Variants in PKP1 observed in about 807,000 individuals in gnomAD.
PKP1 encodes plakophilin 1.
Under a neutral mutation model 76.4 loss-of-function variants are expected in PKP1, and 27 were observed. The observed-to-expected ratio is 0.35, with a 90% confidence interval of 0.26 to 0.49. The LOEUF (loss-of-function observed/expected upper bound fraction) is 0.49, where lower values mean the gene tolerates loss of function less well. PKP1 is among the 20% of genes least tolerant of loss of function. The pLI, the probability that PKP1 is intolerant of heterozygous loss-of-function variation, is 0.99. For missense variants in PKP1, 964 were observed against 955.2 expected (o/e 1.01, Z -0.12); for synonymous variants, 404 against 384.2 (o/e 1.05, Z -0.60).
rs1656117779 is a variant in PKP1, at chr1:201,297,795, A to G, written c.306+3750A>G. Among the ~76,000 whole-genome samples, 3 of 152,124 alleles carry G rather than the reference A, an allele frequency of 2.0e-5. No individual in the cohort carries two copies. The South Asian group carries it at 6.2e-4, about 32-fold the overall frequency. On this transcript the variant is annotated intron_variant, in intron 2 of 13. Coordinates refer to ENST00000367324, the MANE Select transcript of PKP1 (RefSeq NM_001005337.3). The stretch of plus-strand genomic sequence containing the variant: ...TCCTCCCTTCCCATCCCCTCCAACC[A>G]GGCCTACTCTCACCATGGGGAGTCA...
chr1:201,298,957 A>C (rs1215995426), intron 2 of PKP1, among the ~76,000 whole-genome samples: 2 of 152,176 alleles, frequency 1.3e-5, no homozygotes, highest in Non-Finnish European at 2.9e-5. Context: ...ACACTCCAGC[A>C]GGGGATGGGA....
At chr1:201,306,021 C>T (rs1722765) in intron 2 of PKP1, among the ~76,000 whole-genome samples, 4 of 152,046 alleles carry the variant, frequency 2.6e-5, no homozygotes, top group African/African-American at 9.7e-5. Context: ...CTCCACCACT[C>T]GGGCTGTGAG....
intron 1 of PKP1, among the ~76,000 whole-genome samples, chr1:201,284,118 G>A (rs1655656733): frequency 2.0e-5 from 3 of 152,228 alleles, no homozygotes; most frequent in Admixed American, 1.3e-4. Flanking sequence ...ACGGCCCCGC[G>A]AGCTCGATGG....
intron 11 of PKP1, 105 bp from the exon 12 acceptor site, chr1:201,325,649 C>G (rs1657096506): frequency 1.2e-6 from 1 of 864,638 alleles, no homozygotes; most frequent in African/African-American, 1.7e-5. Flanking sequence ...TCCTCTGAGG[C>G]CTCCCCTGTG....
intron 13 of PKP1, among the ~76,000 whole-genome samples, chr1:201,329,320 T>C (rs1379919441): frequency 6.6e-6 from 1 of 152,216 alleles, no homozygotes; most frequent in African/African-American, 2.4e-5. Flanking sequence ...CAGCTGATGA[T>C]TCTAGGCCCC....
rs144929583 is a variant in PKP1, at chr1:201,292,628, C to T, written c.203-1314C>T. ...CAGCCCTGCTCCCCCAGGCAATGGC[C>T]GGGGAGCCTAAGTGGGTGTGGCAGA... On this transcript the variant is annotated intron_variant, in intron 1 of 13. Transcript: ENST00000367324. 3.2e-3 allele frequency among the ~76,000 whole-genome samples: 485 copies of T among 152,308 alleles called. 4 individuals carry two copies. Among genetic ancestry groups the T allele is most frequent in the African/African-American group, 0.011 (447 of 41,568 alleles).
chr1:201,316,933 A>G (rs1456073586), intron 4 of PKP1, among the ~76,000 whole-genome samples: 1 of 152,198 alleles, frequency 6.6e-6, no homozygotes, highest in Non-Finnish European at 1.5e-5. Flanking sequence ...TGGTCATGGA[A>G]GAGACTTCAA....
At chr1:201,320,465 C>CA (rs1656905655) in intron 7 of PKP1, 84 bp downstream of exon 7, 1 of 844,828 alleles carries the variant, frequency 1.2e-6, no homozygotes, top group Non-Finnish European at 2.0e-6. Context: ...GGCCCAGTGA[C>CA]AAGACAGGAG....
At chr1:201,326,479 C>T (rs1236102747) in intron 12 of PKP1, among the ~76,000 whole-genome samples, 3 of 152,222 alleles carry the variant, frequency 2.0e-5, no homozygotes, top group South Asian at 2.1e-4. Flanking sequence ...CTCTTCTTTC[C>T]CATTCCTCAG....
At chr1:201,291,104 G>A (rs909113712) in intron 1 of PKP1, among the ~76,000 whole-genome samples, 6 of 152,164 alleles carry the variant, frequency 3.9e-5, no homozygotes, top group Admixed American at 2.6e-4. Flanking sequence ...GGCACACTGC[G>A]AGCTGTGATT....
At chr1:201,313,083 G>C in intron 2 of PKP1, 83 bp from the exon 3 acceptor site, 1 of 1,384,292 alleles carries the variant, frequency 7.2e-7, no homozygotes, top group Non-Finnish European at 1.0e-6. Flanking sequence ...TGGGGGCTGG[G>C]GAGGGCTGTA....
intron 11 of PKP1, 36 bp downstream of exon 11, chr1:201,325,163 A>T (rs746670515): frequency 6.3e-7 from 1 of 1,599,002 alleles, no homozygotes; most frequent in Non-Finnish European, 8.6e-7. Flanking sequence ...CTGCACCCCA[A>T]TCAGAGCCCC....
chr1:201,319,360 G>A (rs1199994516), intron 6 of PKP1, among the ~76,000 whole-genome samples: 4 of 152,160 alleles, frequency 2.6e-5, no homozygotes, highest in African/African-American at 7.2e-5. Flanking sequence ...GTGGAGGGGC[G>A]GCTGGTACAG....
chr1:201,320,764 T>C (rs1178098497), intron 7 of PKP1, among the ~76,000 whole-genome samples: 1 of 152,206 alleles, frequency 6.6e-6, no homozygotes, highest in Non-Finnish European at 1.5e-5. Flanking sequence ...ATCTGCTGGC[T>C]GTGCTTCATT....
intron 2 of PKP1, among the ~76,000 whole-genome samples, chr1:201,295,659 A>T (rs960368652): frequency 6.6e-6 from 1 of 152,196 alleles, no homozygotes; most frequent in Non-Finnish European, 1.5e-5. Flanking sequence ...CTTAGGTTCT[A>T]GTCCTAGTTC....
At chr1:201,323,748 C>G (rs576038315) in intron 9 of PKP1, among the ~76,000 whole-genome samples, 8 of 152,118 alleles carry the variant, frequency 5.3e-5, no homozygotes, top group African/African-American at 1.9e-4. Flanking sequence ...AAAAGGGAAC[C>G]GAGCAGCAGC....
rs912221172 is a variant in PKP1, at chr1:201,325,238, CA to C, written c.2021+112del. The stretch of plus-strand genomic sequence containing the variant: ...CATGGAGTAGGGGAAGCACCAAGGG[CA>C]GGGGGAGCCAGGGACGGGGGAGGCT... On this transcript the variant is annotated intron_variant, in intron 11 of 13. Coordinates refer to ENST00000367324, the MANE Select transcript of PKP1 (RefSeq NM_001005337.3). 18 of 1,074,258 alleles carry C rather than the reference CA, an allele frequency of 1.7e-5. No individual in the cohort carries two copies. In the African/African-American group the frequency reaches 2.6e-4, roughly 16 times the overall value. 66.5% of individuals were successfully genotyped at this position (1,074,258 alleles called of 1,614,324 possible).
rs1656801961 is a variant in PKP1, at chr1:201,317,678, G to A, written c.953G>A (p.Ser318Asn). ...GCCCTGCGCAACCTGGTGTTCAGGA[G>A]CACCACCAACAAGCTGGAGACCCGG... ...AGALRNLVFR[S>N]TTNKLETRRQ... The change falls in exon 5 of 14, where the codon AGC becomes AAC. Residue 318 changes from serine to asparagine, a missense_variant. By Grantham distance (46) the Ser-to-Asn change is conservative (BLOSUM62 1). Coordinates refer to ENST00000367324, the MANE Select transcript of PKP1 (RefSeq NM_001005337.3). The A allele has an allele frequency of 9.9e-6, 16 of 1,613,834 alleles. No homozygotes were observed. Among genetic ancestry groups the A allele is most frequent in the Non-Finnish European group, 1.4e-5 (16 of 1,179,842 alleles).
intron 12 of PKP1, 193 bp from the exon 13 acceptor site, chr1:201,328,568 CA>C: frequency 1.6e-6 from 1 of 642,404 alleles, no homozygotes; most frequent in Non-Finnish European, 2.9e-6. Context: ...AAACACATTG[CA>C]CCGACTCATG....
Sources: allele counts gnomAD v4.1 joint callset (sites outside exome capture counted in the v4.1 genomes callset), GRCh38; gene constraint gnomAD v4.1.1; transcripts MANE v1.5; gene names NCBI Gene and HGNC (gene_info 2026-07-23, HGNC 2026-07-21).